The following HSPA12A variants were observed in gnomAD, a reference collection of about 807,000 sequenced individuals.
The protein encoded by HSPA12A is heat shock protein family A (Hsp70) member 12A.
In HSPA12A, 28 loss-of-function variants were observed where a neutral mutation model predicts 69.2. That is an observed-to-expected ratio of 0.40 (90% CI 0.30 to 0.55). The LOEUF (loss-of-function observed/expected upper bound fraction) is 0.55. Ranked by LOEUF, HSPA12A falls within the 20% of genes least tolerant of loss-of-function variation. HSPA12A has a pLI of 0.38. For synonymous variants in HSPA12A, 345 were observed against 370.5 expected (o/e 0.93, Z 0.79); for missense variants, 686 against 900.7 (o/e 0.76, Z 3.05).
At chr10:116,718,824 C>T (rs530614153) in intron 1 of HSPA12A, among the ~76,000 whole-genome samples, 1 of 151,792 alleles carries the variant, frequency 6.6e-6, no homozygotes, top group Non-Finnish European at 1.5e-5. Context: ...TACTAAGTTT[C>T]CCGCAAGTAA....
intron 1 of HSPA12A, among the ~76,000 whole-genome samples, chr10:116,725,957 C>T (rs1850941559): frequency 6.6e-6 from 1 of 151,826 alleles, no homozygotes; most frequent in South Asian, 2.1e-4. Context: ...CAGAATGCAA[C>T]TCAGTGAGGA....
intron 1 of HSPA12A, among the ~76,000 whole-genome samples, chr10:116,844,766 C>A (rs547417527): frequency 6.6e-6 from 1 of 152,232 alleles, no homozygotes; most frequent in Admixed American, 6.5e-5. Context: ...TTGATAGCAA[C>A]CCCAAAATAA....
chr10:116,674,625 G>T lies in HSPA12A; in HGVS notation c.*156C>A. The T allele has an allele frequency of 1.4e-6, 1 of 734,264 alleles. No homozygotes were observed. The highest frequency in any genetic ancestry group is 2.2e-6 in the Non-Finnish European group (1 of 458,238). 45.5% of individuals were successfully genotyped at this position (734,264 alleles called of 1,614,324 possible). ...TTCTGACTCCAGTGTGCCCTCAAAA[G>T]TCACTAATTATTTCTAGCCCTGATT... On this transcript the variant is annotated 3_prime_UTR_variant, in exon 12 of 12. Transcript: ENST00000369209.
At chr10:116,752,724 G>C (rs1400744142) in intron 2 of HSPA12A, among the ~76,000 whole-genome samples, 1 of 152,220 alleles carries the variant, frequency 6.6e-6, no homozygotes, top group Non-Finnish European at 1.5e-5. Flanking sequence ...CCGCCTAGCT[G>C]TGTGGCCTTG....
chr10:116,820,245 A>G (rs1845386565), intron 2 of HSPA12A, among the ~76,000 whole-genome samples: 1 of 152,260 alleles, frequency 6.6e-6, no homozygotes, highest in African/African-American at 2.4e-5. Flanking sequence ...AATAAGAGAC[A>G]AACATCTTGA....
chr10:116,701,802 T>C (rs1247472762), intron 3 of HSPA12A, among the ~76,000 whole-genome samples: 3 of 152,014 alleles, frequency 2.0e-5, no homozygotes, highest in East Asian at 3.9e-4. Context: ...AGAAACACGA[T>C]TGGGAAAGCA....
intron 2 of HSPA12A, among the ~76,000 whole-genome samples, chr10:116,818,005 G>C (rs938759533): frequency 5.9e-5 from 9 of 152,242 alleles, no homozygotes; most frequent in Admixed American, 2.6e-4. Context: ...TTCCTCTCCA[G>C]GGTCTCTGCC....
At chr10:116,706,459 T>C (rs1440575853) in intron 2 of HSPA12A, among the ~76,000 whole-genome samples, 1 of 152,042 alleles carries the variant, frequency 6.6e-6, no homozygotes, top group African/African-American at 2.4e-5. Context: ...GGACTTGCAG[T>C]GTAAAGGCCG....
In HSPA12A at chr10:116,674,362, T is replaced by G; in HGVS notation, c.*419A>C. 1 of 165,920 alleles carries G rather than the reference T, an allele frequency of 6.0e-6. No individual in the cohort carries two copies. Among genetic ancestry groups the G allele is most frequent in the South Asian group, 1.7e-4 (1 of 5,746 alleles). 10.3% of individuals were successfully genotyped at this position (165,920 alleles called of 1,614,324 possible). ...CATCCAAAAAATTTAGAAAGACAAG[T>G]CTCAGATGAAGATCTCCTCCTGGTT... On this transcript the variant is annotated 3_prime_UTR_variant, in exon 12 of 12. Coordinates refer to ENST00000369209, the MANE Select transcript of HSPA12A (RefSeq NM_025015.3).
At position 116,671,682 on chromosome 10, in the gene HSPA12A, A is replaced by C. The variant is rs999064391; in HGVS notation, c.*3099T>G. The C allele has an allele frequency of 2.0e-5, 3 of 152,658 alleles. No homozygotes were observed. The highest frequency in any genetic ancestry group is 7.2e-5 in the African/African-American group (3 of 41,466). 9.5% of individuals were successfully genotyped at this position (152,658 alleles called of 1,614,324 possible). ...TCCTCCTCTTTCCCCTCCTGTCTGT[A>C]ACTTGTCTGTTACTCAGCATTTATT... On this transcript the variant is annotated 3_prime_UTR_variant, in exon 12 of 12. Coordinates refer to ENST00000369209, the MANE Select transcript of HSPA12A (RefSeq NM_025015.3).
chr10:116,831,347 T>C (rs748991220), intron 2 of HSPA12A: 1 of 152,190 alleles, frequency 6.6e-6, no homozygotes, highest in Non-Finnish European at 1.5e-5. Flanking sequence ...ATAGCATGTG[T>C]TTGGCAGGGG....
intron 2 of HSPA12A, among the ~76,000 whole-genome samples, chr10:116,786,241 C>CATAAAAAA (rs1844574590): frequency 6.6e-6 from 1 of 152,184 alleles, no homozygotes; most frequent in Non-Finnish European, 1.5e-5. Flanking sequence ...TTAAAATAGA[C>CATAAAAAA]TGTTTATGTT....
intron 7 of HSPA12A, among the ~76,000 whole-genome samples, chr10:116,682,372 TAAAC>T (rs2133367890): frequency 6.6e-6 from 1 of 151,216 alleles, no homozygotes; most frequent in Non-Finnish European, 1.5e-5. Context: ...TGCGCTCAGT[TAAAC>T]AATTCCAAAT....
chr10:116,803,394 GAAGATCCCATGGGC>G (rs1589716079), intron 2 of HSPA12A, among the ~76,000 whole-genome samples: 1 of 152,316 alleles, frequency 6.6e-6, no homozygotes, highest in East Asian at 1.9e-4. Flanking sequence ...TGGGGAAGAG[GAAGATCCCATGGGC>G]AAGGACCCAG....
At chr10:116,800,616 C>G (rs1248143939) in intron 2 of HSPA12A, among the ~76,000 whole-genome samples, 1 of 152,134 alleles carries the variant, frequency 6.6e-6, no homozygotes, top group Non-Finnish European at 1.5e-5. Flanking sequence ...GTAGATACCA[C>G]GAAACTCAAA....
At chr10:116,811,579 TAAAA>T (rs60912684) in intron 2 of HSPA12A, among the ~76,000 whole-genome samples, 20 of 105,924 alleles carry the variant, frequency 1.9e-4, no homozygotes, top group African/African-American at 6.4e-4. Context: ...TTGCTTTTGT[TAAAA>T]AAAAAAAAAA....
intron 6 of HSPA12A, among the ~76,000 whole-genome samples, chr10:116,688,650 G>C (rs191811309): frequency 6.6e-6 from 1 of 152,234 alleles, no homozygotes; most frequent in Non-Finnish European, 1.5e-5. Flanking sequence ...GCACCAGTTC[G>C]GGGTGTTATG....
intron 1 of HSPA12A, among the ~76,000 whole-genome samples, chr10:116,740,858 TGA>T (rs1296024849): frequency 6.7e-6 from 1 of 148,756 alleles, no homozygotes; most frequent in Non-Finnish European, 1.5e-5. Context: ...TATCCCAGCA[TGA>T]GAGGCAAGAA....
rs1554877627 is a variant in HSPA12A, at chr10:116,675,780, T to G, written c.1391-362A>C. On this transcript the variant is annotated intron_variant, in intron 11 of 11. Coordinates refer to ENST00000369209, the MANE Select transcript of HSPA12A (RefSeq NM_025015.3). This position sits in a 1 kb window ranked among gnomAD's most constrained non-coding sequence, Gnocchi z 5.2. Reference sequence around the variant, plus strand: ...GGTTGTTATAAATAGAATTCTCTGATTTTCATAAAAATCCCATTCCACTCC... The same window carrying G: ...GGTTGTTATAAATAGAATTCTCTGAGTTTCATAAAAATCCCATTCCACTCC... Among the ~76,000 whole-genome samples, 2 of 152,214 alleles carry G rather than the reference T, an allele frequency of 1.3e-5. No homozygotes were observed. Among genetic ancestry groups the G allele is most frequent in the African/African-American group, 4.8e-5 (2 of 41,464 alleles).
Sources: allele counts gnomAD v4.1 joint callset (sites outside exome capture counted in the v4.1 genomes callset), GRCh38; gene constraint gnomAD v4.1.1; non-coding constraint Gnocchi (gnomAD v3.1); transcripts MANE v1.5; gene names NCBI Gene and HGNC (gene_info 2026-07-23, HGNC 2026-07-21).